The following KIAA1217 variants were observed in gnomAD, a reference collection of about 807,000 sequenced individuals.
The protein encoded by KIAA1217 is sickle tail protein homolog.
In KIAA1217, 88 loss-of-function variants were observed where a neutral mutation model predicts 163.9. That is an observed-to-expected ratio of 0.54 (90% CI 0.45 to 0.64). The LOEUF is 0.64. Among genes scored for constraint, KIAA1217 ranks in the 30% least tolerant of loss-of-function variants. KIAA1217 has a pLI of 0.00. For missense variants in KIAA1217, 2,372 were observed against 2,475.0 expected (o/e 0.96, Z 0.88); for synonymous variants, 903 against 923.1 (o/e 0.98, Z 0.39).
chr10:23,930,443 A>G (rs1843211311), intron 1 of KIAA1217, among the ~76,000 whole-genome samples: 1 of 152,190 alleles, frequency 6.6e-6, no homozygotes, highest in Non-Finnish European at 1.5e-5. Flanking sequence ...CCAAAGAGCT[A>G]TGTCCACATT....
intron 5 of KIAA1217, among the ~76,000 whole-genome samples, chr10:24,455,166 T>C (rs2061672041): frequency 6.6e-6 from 1 of 152,236 alleles, no homozygotes; most frequent in Non-Finnish European, 1.5e-5. Context: ...ACTGAAATGC[T>C]AATAAGTTTC....
chr10:24,336,928 C>G (rs1241223363), intron 2 of KIAA1217, among the ~76,000 whole-genome samples: 11 of 152,074 alleles, frequency 7.2e-5, no homozygotes, highest in Non-Finnish European at 1.6e-4. Flanking sequence ...GATCAAACAT[C>G]TAAATATAAG....
intron 1 of KIAA1217, among the ~76,000 whole-genome samples, chr10:23,959,623 G>T (rs1480485673): frequency 6.6e-6 from 1 of 152,090 alleles, no homozygotes; most frequent in East Asian, 1.9e-4. Flanking sequence ...CCAAAATGAA[G>T]ACCCAAAGAA....
chr10:24,411,968 G>A (rs775223228), intron 3 of KIAA1217, among the ~76,000 whole-genome samples: 33 of 151,956 alleles, frequency 2.2e-4, no homozygotes, highest in Non-Finnish European at 3.5e-4. Context: ...CATCCAACTC[G>A]TACACAAAAC....
rs895800718 is a variant in KIAA1217 at position 23,836,666 on chromosome 10, T to A, written c.-321+141432T>A. On this transcript the variant is annotated intron_variant, in intron 1 of 18. Coordinates refer to the KIAA1217 transcript ENST00000376462. The stretch of plus-strand genomic sequence containing the variant: ...TAGGCCAGGCTCAGTTGCTCATGCC[T>A]GTAATCCCAGCACTTTGGGAAGCCG... Among the ~76,000 whole-genome samples the A allele has an allele frequency of 8.6e-5, 13 of 151,962 alleles. 1 individual carries two copies. Among genetic ancestry groups the A allele is most frequent in the Admixed American group, 7.2e-4 (11 of 15,240 alleles).
At chr10:23,938,800 ACTG>A (rs1843638849) in intron 1 of KIAA1217, among the ~76,000 whole-genome samples, 1 of 144,348 alleles carries the variant, frequency 6.9e-6, no homozygotes, top group South Asian at 2.2e-4. Context: ...CCAAGAGATG[ACTG>A]TGTATATGCA....
chr10:24,174,226 CAG>C (rs2065764205), intron 2 of KIAA1217, among the ~76,000 whole-genome samples: 1 of 152,204 alleles, frequency 6.6e-6, no homozygotes, highest in African/African-American at 2.4e-5. Context: ...CAGTATGACT[CAG>C]AGACCACAAA....
At chr10:24,476,235 G>A (rs151149804) in intron 6 of KIAA1217, among the ~76,000 whole-genome samples, 31 of 152,218 alleles carry the variant, frequency 2.0e-4, no homozygotes, top group African/African-American at 6.5e-4. Flanking sequence ...TGATTACCAC[G>A]CACACACAAC....
At chr10:24,316,667 T>C (rs1048235763) in intron 2 of KIAA1217, among the ~76,000 whole-genome samples, 2 of 152,184 alleles carry the variant, frequency 1.3e-5, no homozygotes, top group Non-Finnish European at 2.9e-5. Context: ...TCTATCTGAA[T>C]GGGGGCTGAG....
At chr10:23,943,466 A>G (rs1039276072) in intron 1 of KIAA1217, among the ~76,000 whole-genome samples, 2 of 152,254 alleles carry the variant, frequency 1.3e-5, no homozygotes, top group Admixed American at 1.3e-4. Flanking sequence ...GATAGGATAA[A>G]TAGATGATCT....
intron 2 of KIAA1217, among the ~76,000 whole-genome samples, chr10:24,333,940 C>G (rs2046003825): frequency 6.6e-6 from 1 of 152,120 alleles, no homozygotes; most frequent in Non-Finnish European, 1.5e-5. Flanking sequence ...TTTTGCTGAC[C>G]AACTAAGAGG....
intron 5 of KIAA1217, among the ~76,000 whole-genome samples, chr10:24,463,432 C>G (rs1159956530): frequency 1.3e-5 from 2 of 152,182 alleles, no homozygotes; most frequent in Non-Finnish European, 2.9e-5. Context: ...ATTTTGGCAG[C>G]AGTCTGTCTG....
intron 2 of KIAA1217, among the ~76,000 whole-genome samples, chr10:24,187,320 T>C (rs2066484966): frequency 6.6e-6 from 1 of 152,196 alleles, no homozygotes; most frequent in Admixed American, 6.5e-5. Context: ...GTGATTAATC[T>C]GCTCAGAATT....
At chr10:24,535,088 T>C (rs1157158709) in intron 16 of KIAA1217, among the ~76,000 whole-genome samples, 1 of 152,192 alleles carries the variant, frequency 6.6e-6, no homozygotes, top group African/African-American at 2.4e-5. Context: ...AGGACAGTTG[T>C]GGAACCACTT....
intron 1 of KIAA1217, among the ~76,000 whole-genome samples, chr10:23,907,461 A>G (rs544598542): frequency 6.6e-6 from 1 of 152,128 alleles, no homozygotes; most frequent in Admixed American, 6.5e-5. Flanking sequence ...CATGCTGGAG[A>G]ACCAGGAAAG....
At chr10:23,867,178 A>G (rs1455815178) in intron 1 of KIAA1217, among the ~76,000 whole-genome samples, 3 of 151,900 alleles carry the variant, frequency 2.0e-5, no homozygotes, top group Non-Finnish European at 2.9e-5. Flanking sequence ...AAGGACATGA[A>G]CTCATCATTT....
chr10:23,821,389 A>C (rs1176623423), intron 1 of KIAA1217, among the ~76,000 whole-genome samples: 1 of 152,166 alleles, frequency 6.6e-6, no homozygotes, highest in Non-Finnish European at 1.5e-5. Flanking sequence ...CACAGGCTGC[A>C]GCAAACTAGA....
intron 2 of KIAA1217, among the ~76,000 whole-genome samples, chr10:24,162,710 C>T (rs866679056): frequency 6.6e-6 from 1 of 152,200 alleles, no homozygotes; most frequent in Admixed American, 6.5e-5. Flanking sequence ...CTGGGAGCAG[C>T]CTAGCTGGGT....
intron 2 of KIAA1217, among the ~76,000 whole-genome samples, chr10:24,192,098 C>G (rs1589842484): frequency 6.6e-6 from 1 of 152,136 alleles, no homozygotes; most frequent in Non-Finnish European, 1.5e-5. Context: ...GGTGTTAACA[C>G]AAGAGCCTTT....
Sources: allele counts gnomAD v4.1 joint callset (sites outside exome capture counted in the v4.1 genomes callset), GRCh38; gene constraint gnomAD v4.1.1; transcripts MANE v1.5; gene names NCBI Gene and HGNC (gene_info 2026-07-23, HGNC 2026-07-21).